ADGRF5: variants seen among roughly 807,000 people sequenced by gnomAD.
The protein encoded by ADGRF5 is adhesion G protein-coupled receptor F5.
In ADGRF5, 75 loss-of-function variants were observed where a neutral mutation model predicts 132.3. That is an observed-to-expected ratio of 0.57 (90% confidence interval 0.47 to 0.69). ADGRF5 has a LOEUF of 0.69. Ranked by LOEUF, ADGRF5 falls within the 30% of genes least tolerant of loss-of-function variation. The pLI is 0.00. For synonymous variants in ADGRF5, 629 were observed against 597.6 expected (o/e 1.05, Z -0.77); for missense variants, 1,516 against 1,630.6 (o/e 0.93, Z 1.21).
intron 10 of ADGRF5, among the ~76,000 whole-genome samples, chr6:46,873,318 C>T (rs970830945): frequency 3.9e-5 from 6 of 152,118 alleles, no homozygotes; most frequent in African/African-American, 1.2e-4. Flanking sequence ...TTTTCACTCC[C>T]GTTTCTCATC....
At chr6:46,897,999 T>C (rs1774360108) in intron 3 of ADGRF5, among the ~76,000 whole-genome samples, 1 of 152,184 alleles carries the variant, frequency 6.6e-6, no homozygotes, top group African/African-American at 2.4e-5. Flanking sequence ...CAAATGACTC[T>C]AGAGGCCCAA....
Position 46,872,010 on chromosome 6 carries a change from G to A in ADGRF5, c.1244C>T (p.Thr415Ile). ...KQEGKINIPG[T>I]PETDIDSSCS... ...GCTAGAATCTATGTCTGTCTCAGGG[G>A]TTCCTATAATGAGAAGCAAATTGTT... The change falls in exon 11 of 21, where the codon ACC becomes ATC. Residue 415 changes from threonine (T) to isoleucine (I), a missense_variant. Physicochemically the swap from Thr to Ile is moderately conservative, Grantham distance 89. Transcript: ENST00000283296. 2 of 1,590,868 alleles carry A rather than the reference G, an allele frequency of 1.3e-6. No individual in the cohort carries two copies. Among genetic ancestry groups the A allele is most frequent in the Non-Finnish European group, 1.7e-6 (2 of 1,163,670 alleles).
chr6:46,890,344 T>C (rs9472896), intron 3 of ADGRF5, among the ~76,000 whole-genome samples: 137,404 of 152,038 alleles, frequency 0.9, 62,292 homozygotes, highest in African/African-American at 0.97. Flanking sequence ...CTGCCTGCCT[T>C]GGCCTCCCAA....
chr6:46,857,290 C>G (rs1769166466), intron 17 of ADGRF5, among the ~76,000 whole-genome samples: 1 of 152,166 alleles, frequency 6.6e-6, no homozygotes, highest in South Asian at 2.1e-4. Flanking sequence ...TACATATGAA[C>G]TACATAGCTT....
intron 1 of ADGRF5, among the ~76,000 whole-genome samples, chr6:46,918,861 C>T (rs1776648271): frequency 1.3e-5 from 2 of 152,208 alleles, no homozygotes; most frequent in Admixed American, 1.3e-4. Context: ...ATTGCTTCTG[C>T]TTCTCAGTTT....
Position 46,865,033 on chromosome 6 carries a change from C to A in ADGRF5, c.1990+9G>T. On this transcript the variant is annotated intron_variant, in intron 14 of 20. Coordinates refer to ENST00000283296, the MANE Select transcript of ADGRF5 (RefSeq NM_001098518.2). ...TATAACATCTTAAAGTAATTTAAAA[C>A]GTTCTTACCAGGAACCAGATTCAGC... 1 of 1,575,270 alleles carries A rather than the reference C, an allele frequency of 6.3e-7. No individual in the cohort carries two copies. The highest frequency in any genetic ancestry group is 8.7e-7 in the Non-Finnish European group (1 of 1,154,358).
chr6:46,871,222 G>A (rs774838172), intron 11 of ADGRF5, among the ~76,000 whole-genome samples: 1 of 152,092 alleles, frequency 6.6e-6, no homozygotes, highest in Non-Finnish European at 1.5e-5. Flanking sequence ...CTTTTTACAC[G>A]TGGGGTGAAA....
chr6:46,881,949 G>A (rs529782823), intron 7 of ADGRF5, 100 bp downstream of exon 7: 1 of 896,496 alleles, frequency 1.1e-6, no homozygotes, highest in Non-Finnish European at 1.9e-6. Context: ...CTCCTGCTGA[G>A]GATTCCACAT....
At chr6:46,920,529 G>GC (rs1018169890) in intron 1 of ADGRF5, among the ~76,000 whole-genome samples, 1 of 136,204 alleles carries the variant, frequency 7.3e-6, no homozygotes, top group African/African-American at 2.7e-5. Context: ...TAATATTTGG[G>GC]GGGGGGGAAG....
rs1769969720 is a variant in ADGRF5 at position 46,862,996 on chromosome 6, C to G, written c.2091G>C (p.Glu697Asp). 1 of 1,613,816 alleles carries G rather than the reference C, an allele frequency of 6.2e-7. No individual in the cohort carries two copies. The highest frequency in any genetic ancestry group is 8.5e-7 in the Non-Finnish European group (1 of 1,179,774). ...AAGTGATGGTCCCGCCAATGGGACT[C>G]TCAGGGCTGCTGGGAACGTTTGAGA... ...CRFSNVPSSPESPIGGTITYK... is the reference protein window; with the variant it reads ...CRFSNVPSSPDSPIGGTITYK... The change falls in exon 15 of 21, where the codon GAG becomes GAC. Residue 697 changes from glutamate to aspartate, a missense_variant. Glu to Asp is a conservative substitution (Grantham distance 45). This residue lies in a region of ADGRF5 where 945 missense variants were observed against 929.4 expected (regional missense o/e 1.02). Transcript: ENST00000283296.
At position 46,859,065 on chromosome 6, in the gene ADGRF5, G is replaced by T; in HGVS notation, c.2838C>A (p.Ser946Arg). 6.2e-7 allele frequency: 1 copy of T among 1,614,050 alleles called. No individual in the cohort carries two copies. The highest frequency in any genetic ancestry group is 2.2e-5 in the East Asian group (1 of 44,878). ...FRISMTFKNN[S>R]PSGGETKCVF... ...CACACTTCGTTTCGCCGCCTGAAGG[G>T]CTATTGTTCTTAAAAGTCATTGAAA... Residue 946 changes from serine to arginine, a missense_variant, in exon 17 of 21, where the codon AGC (serine) becomes AGA (arginine). By Grantham distance (110) the Ser-to-Arg change is moderately radical. Transcript: ENST00000283296.
chr6:46,926,216 AATAG>A (rs1157746031), upstream of ADGRF5, among the ~76,000 whole-genome samples: 2 of 152,170 alleles, frequency 1.3e-5, no homozygotes, highest in Non-Finnish European at 2.9e-5. Context: ...CCATTCCACC[AATAG>A]ACAGTGTTAT....
intron 9 of ADGRF5, among the ~76,000 whole-genome samples, chr6:46,879,139 A>AT (rs1467712764): frequency 6.6e-6 from 1 of 151,946 alleles, no homozygotes; most frequent in African/African-American, 2.4e-5. Context: ...GCTATTTTAA[A>AT]TTTTTTTAAA....
chr6:46,875,615 A>G (rs1236742192), intron 10 of ADGRF5, among the ~76,000 whole-genome samples: 1 of 152,090 alleles, frequency 6.6e-6, no homozygotes, highest in Non-Finnish European at 1.5e-5. Context: ...CATCTCTACT[A>G]AAAATAGAAA....
intron 4 of ADGRF5, 74 bp from the exon 5 acceptor site, chr6:46,884,345 G>T (rs1211922303): frequency 3.4e-6 from 4 of 1,177,162 alleles, no homozygotes; most frequent in Non-Finnish European, 3.7e-6. Flanking sequence ...ATAGCCTGCA[G>T]GTATTCATTC....
chr6:46,861,708 G>A (rs1047524201), intron 15 of ADGRF5, among the ~76,000 whole-genome samples: 4 of 152,126 alleles, frequency 2.6e-5, no homozygotes, highest in African/African-American at 9.7e-5. Flanking sequence ...CATAGTACAA[G>A]TCATATAACT....
intron 1 of ADGRF5, among the ~76,000 whole-genome samples, chr6:46,917,310 A>G (rs1776501408): frequency 6.6e-6 from 1 of 152,116 alleles, no homozygotes; most frequent in Admixed American, 6.6e-5. Context: ...CACTGCATGA[A>G]CCGCATTTCT....
chr6:46,872,042 C>A (rs765885504), intron 10 of ADGRF5, 29 bp from the exon 11 acceptor site: 7 of 1,536,800 alleles, frequency 4.6e-6, no homozygotes, highest in Middle Eastern at 1.7e-4. Flanking sequence ...TGTTGCCATC[C>A]CAGCTGGCTA....
At chr6:46,921,284 A>G (rs1365889832) in intron 1 of ADGRF5, among the ~76,000 whole-genome samples, 1 of 152,236 alleles carries the variant, frequency 6.6e-6, no homozygotes, top group Non-Finnish European at 1.5e-5. Flanking sequence ...TGCTACTGGG[A>G]TGCAGCCTCT....
Sources: gnomAD v4.1 joint callset for allele counts (sites outside exome capture counted in the v4.1 genomes callset) on GRCh38, gnomAD v4.1.1 for gene constraint, gnomAD v4.1.1 regional missense constraint, MANE v1.5 for transcripts, NCBI Gene and HGNC (gene_info 2026-07-23, HGNC 2026-07-21) for gene names.